Variants in SRRT observed in about 807,000 individuals in gnomAD.
SRRT encodes the protein serrate, RNA effector molecule.
Under a neutral mutation model 103.2 loss-of-function variants are expected in SRRT, and 32 were observed. The observed-to-expected ratio is 0.31, with a 90% CI of 0.23 to 0.42. The LOEUF (loss-of-function observed/expected upper bound fraction) is 0.42. Ranked by LOEUF, SRRT falls within the 10% of genes least tolerant of loss-of-function variation. SRRT has a pLI of 1.00. For missense variants in SRRT, 986 were observed against 1,207.5 expected (o/e 0.82, Z 2.72); for synonymous variants, 525 against 449.0 (o/e 1.17, Z -2.14).
Position 100,884,729 on chromosome 7 carries a change from T to C in SRRT, c.943-11T>C, listed in dbSNP as rs762193000. On this transcript the variant is annotated splice_polypyrimidine_tract_variant and intron_variant, in intron 7 of 19. Coordinates refer to ENST00000611405, the MANE Select transcript of SRRT (RefSeq NM_015908.6). Reference sequence around the variant, plus strand: ...AGGTTTGACATCCCCAGTGGTTGTCTCTTACCATAGGCTGAGAATGACAGT... The same window carrying C: ...AGGTTTGACATCCCCAGTGGTTGTCCCTTACCATAGGCTGAGAATGACAGT... The C allele has an allele frequency of 6.2e-7, 1 of 1,613,406 alleles. No homozygotes were observed. Among genetic ancestry groups the C allele is most frequent in the East Asian group, 2.2e-5 (1 of 44,854 alleles).
chr7:100,875,395 G>GGC (rs1815570810), intron 1 of SRRT, 67 bp downstream of exon 1: 7 of 1,372,876 alleles, frequency 5.1e-6, no homozygotes, highest in Non-Finnish European at 6.6e-6. Flanking sequence ...CACGGGGGCG[G>GGC]GCGCGGAGAA....
Position 100,882,506 on chromosome 7 carries a change from G to C in SRRT, c.587+265G>C. 2.6e-6 allele frequency: 1 copy of C among 382,296 alleles called. No homozygotes were observed. 23.7% of individuals were successfully genotyped at this position (382,296 alleles called of 1,614,324 possible). A position where few individuals can be genotyped will look rare whatever the true frequency, so the allele number is the denominator to read the frequency against. ...AGGCCAGAGCCACTTGGCCCCTTGG[G>C]GCAGCAGACAGACTGCTTCCCACTT... On this transcript the variant is annotated intron_variant, in intron 5 of 19. Transcript: ENST00000611405. The surrounding 1 kb of genome is among the most constrained non-coding windows in gnomAD (Gnocchi z 4.2).
rs770656665 is a variant in SRRT, at chr7:100,886,839, C to T, written c.1692C>T (p.Tyr564=). 3.1e-6 allele frequency: 5 copies of T among 1,614,076 alleles called. No homozygotes were observed. The highest frequency in any genetic ancestry group is 2.2e-5 in the South Asian group (2 of 91,090). The change falls in exon 14 of 20, where the codon TAC becomes TAT. Residue 564 remains tyrosine, a synonymous_variant. Coordinates refer to ENST00000611405, the MANE Select transcript of SRRT (RefSeq NM_015908.6). ...QNPILKNITD[Y]LIEEVSAEEE... ...CGATCTTGAAGAATATCACCGACTA[C>T]CTGATCGAGGAAGTAAGCGCCGAGG...
At chr7:100,878,398 G>T (rs183401514) in intron 2 of SRRT, among the ~76,000 whole-genome samples, 536 of 152,284 alleles carry the variant, frequency 3.5e-3, no homozygotes, top group Non-Finnish European at 4.4e-3. Context: ...TTCTTGGTGA[G>T]ATAGGCAGTG....
At chr7:100,884,576 G>A (rs1372822698) in intron 7 of SRRT, 24 bp downstream of exon 7, 1 of 1,465,550 alleles carries the variant, frequency 6.8e-7, no homozygotes, top group East Asian at 3.0e-5. Context: ...GTCTCCTAGT[G>A]TTGTCCCTGG....
At chr7:100,884,599 G>A (rs1584749984) in intron 7 of SRRT, 47 bp downstream of exon 7, 1 of 1,261,372 alleles carries the variant, frequency 7.9e-7, no homozygotes, top group Non-Finnish European at 1.1e-6. Flanking sequence ...GCCTGGGGGA[G>A]GGGGGCGGGT....
At chr7:100,879,820 A>AG (rs1816110776) in intron 2 of SRRT, among the ~76,000 whole-genome samples, 1 of 151,764 alleles carries the variant, frequency 6.6e-6, no homozygotes, top group Non-Finnish European at 1.5e-5. Flanking sequence ...CAAAAAAAAA[A>AG]AAAAAAGAAG....
chr7:100,877,905 A>G (rs145950219), intron 2 of SRRT, among the ~76,000 whole-genome samples: 1 of 152,338 alleles, frequency 6.6e-6, no homozygotes, highest in East Asian at 1.9e-4. Context: ...ACAAACAGTG[A>G]TTGTTCATAC....
Position 100,884,943 on chromosome 7 carries a change from G to C in SRRT, c.1062G>C (p.Arg354=), listed in dbSNP as rs1396319117. The C allele has an allele frequency of 6.2e-7, 1 of 1,614,026 alleles. No individual in the cohort carries two copies. Among genetic ancestry groups the C allele is most frequent in the Non-Finnish European group, 8.5e-7 (1 of 1,180,028 alleles). ...CACAGAGTAGCAAGAAGCGGAACCGGAAGCACAGTGGTGACGACAGCTTTG... is the reference window on the plus strand; with the variant it reads ...CACAGAGTAGCAAGAAGCGGAACCGCAAGCACAGTGGTGACGACAGCTTTG... ...EAKKSSKKRN[R]KHSGDDSFDE... is the part of the protein sequence containing the mutation. The change falls in exon 9 of 20, where the codon CGG becomes CGC. Residue 354 remains arginine (R), a synonymous_variant. Transcript: ENST00000611405.
Position 100,887,273 on chromosome 7 carries a change from C to T in SRRT, c.1976-47C>T, listed in dbSNP as rs752575269. 4 of 1,610,190 alleles carry T rather than the reference C, an allele frequency of 2.5e-6. No individual in the cohort carries two copies. The highest frequency in any genetic ancestry group is 3.4e-6 in the Non-Finnish European group (4 of 1,177,166). On this transcript the variant is annotated intron_variant, in intron 15 of 19. Coordinates refer to ENST00000611405, the MANE Select transcript of SRRT (RefSeq NM_015908.6). This position sits in a 1 kb window ranked among gnomAD's most constrained non-coding sequence, Gnocchi z 4.1. ...CTCCAGCCCCTTGCCACCATCCTTC[C>T]TTCTGGCTCCCTTGCCAACCTTCCT...
At position 100,888,312 on chromosome 7, in the gene SRRT, G is replaced by T. The variant is rs148451475; in HGVS notation, c.2484G>T (p.Pro828=). 5 of 1,614,084 alleles carry T rather than the reference G, an allele frequency of 3.1e-6. No individual in the cohort carries two copies. The highest frequency in any genetic ancestry group is 1.1e-5 in the South Asian group (1 of 91,082). ...PTGGPPYPHA[P]YGAGRGNYDA... The stretch of plus-strand genomic sequence containing the variant: ...GAGGCCCTCCATACCCCCATGCCCC[G>T]TATGGTGCTGGTCGAGGGAACTATG... Residue 828 remains proline (P), a synonymous_variant, in exon 19 of 20, where the codon CCG becomes CCT. Transcript: ENST00000611405.
rs1256736658 is a variant in SRRT at position 100,885,711 on chromosome 7, G to A, written c.1328G>A (p.Arg443Lys). Residue 443 changes from arginine to lysine, a missense_variant, in exon 11 of 20, where the codon AGG becomes AAG. Arg to Lys is a conservative substitution (Grantham distance 26). Coordinates refer to ENST00000611405, the MANE Select transcript of SRRT (RefSeq NM_015908.6). The surrounding 1 kb of genome is among the most constrained non-coding windows in gnomAD (Gnocchi z 4.8). ...TTCTGCTTCTTGCAGCTTTGTAAAA[G>A]GTACCCAGGCTTTATGCGGGTGGCG... Reference protein sequence around the residue: ...SRAEIISLCKRYPGFMRVALS... With the variant: ...SRAEIISLCKKYPGFMRVALS... The A allele has an allele frequency of 6.2e-7, 1 of 1,612,228 alleles. No individual in the cohort carries two copies.
Position 100,885,625 on chromosome 7 carries a change from G to C in SRRT, c.1318-76G>C, listed in dbSNP as rs925261188. The C allele has an allele frequency of 6.8e-7, 1 of 1,464,948 alleles. No individual in the cohort carries two copies. The highest frequency in any genetic ancestry group is 1.4e-5 in the African/African-American group (1 of 71,374). 90.7% of individuals were successfully genotyped at this position (1,464,948 alleles called of 1,614,324 possible). On this transcript the variant is annotated intron_variant, in intron 10 of 19. Transcript: ENST00000611405. This position sits in a 1 kb window ranked among gnomAD's most constrained non-coding sequence, Gnocchi z 4.8. ...TAAGGCAGTTAGTCCCTAGGGTTCT[G>C]AGGGCAGTGGGGGATTGGAGGAAGA...
Position 100,884,456 on chromosome 7 carries a change from G to A in SRRT, c.846G>A (p.Glu282=), listed in dbSNP as rs776506765. 9 of 1,613,960 alleles carry A rather than the reference G, an allele frequency of 5.6e-6. No individual in the cohort carries two copies. Among genetic ancestry groups the A allele is most frequent in the South Asian group, 1.1e-5 (1 of 91,082 alleles). Residue 282 remains glutamate, a synonymous_variant, in exon 7 of 20, where the codon GAG becomes GAA. Coordinates refer to ENST00000611405, the MANE Select transcript of SRRT (RefSeq NM_015908.6). ...EEEEQAGKPG[E]PSKKEEGRAG... is the part of the protein sequence containing the mutation. ...AGGAGCAGGCAGGAAAGCCTGGGGA[G>A]CCCAGCAAGAAAGAAGAAGGACGGG...
In SRRT at chr7:100,887,083, C is replaced by T; in HGVS notation, c.1858C>T (p.His620Tyr). 1 of 1,614,244 alleles carries T rather than the reference C, an allele frequency of 6.2e-7. No homozygotes were observed. ...GCTCCTCCTTTACCTGCGCATCGTG[C>T]ATTCCTTGGATTATTACAACACCTG... is the stretch of plus-strand genomic sequence containing the variant. Reference protein sequence around the residue: ...DKLLLYLRIVHSLDYYNTCEY... With the variant: ...DKLLLYLRIVYSLDYYNTCEY... Residue 620 changes from histidine to tyrosine, a missense_variant, in exon 15 of 20, where the codon CAT (histidine) becomes TAT (tyrosine). By Grantham distance (83) the His-to-Tyr change is moderately conservative. This residue lies in a region of SRRT where 349 missense variants were observed against 446.9 expected (regional missense o/e 0.78). Transcript: ENST00000611405. The surrounding 1 kb of genome is among the most constrained non-coding windows in gnomAD (Gnocchi z 4.1).
Position 100,881,652 on chromosome 7 carries a change from C to T in SRRT, c.252-7C>T, listed in dbSNP as rs779605826. On this transcript the variant is annotated splice_polypyrimidine_tract_variant and splice_region_variant and intron_variant, in intron 3 of 19. Transcript: ENST00000611405. The stretch of plus-strand genomic sequence containing the variant: ...CTCTGCTTTACTTTTGTGTCCCCCA[C>T]CTTCAGGGATGAGCACAGCTCTGAC... 6 of 1,614,008 alleles carry T rather than the reference C, an allele frequency of 3.7e-6. No individual in the cohort carries two copies. Among genetic ancestry groups the T allele is most frequent in the African/African-American group, 1.3e-5 (1 of 75,058 alleles).
chr7:100,887,338 CTT>C lies in SRRT; in HGVS notation c.1997_1998del (p.Phe666Ter). On this transcript the variant is annotated frameshift_variant, in exon 16 of 20. Transcript: ENST00000611405. LOFTEE classifies it high-confidence loss of function. The surrounding 1 kb of genome is among the most constrained non-coding windows in gnomAD (Gnocchi z 4.1). ...ACCACAGTGCTGGAGTGGCAGAAGA[CTT>C]TTGAGGAGAAGCTCACGCCGTTGCT... 1.9e-6 allele frequency: 3 copies of C among 1,614,066 alleles called. No homozygotes were observed. The highest frequency in any genetic ancestry group is 2.5e-6 in the Non-Finnish European group (3 of 1,179,984).
chr7:100,884,478 C>T lies in SRRT; in HGVS notation c.868C>T (p.Arg290Trp), dbSNP rs766105030. ...PGEPSKKEEG[R>W]AGAGLGDGER... Reference sequence around the variant, plus strand: ...GGAGCCCAGCAAGAAAGAAGAAGGACGGGCTGGAGCAGGCCTAGGGGACGG... The same window carrying T: ...GGAGCCCAGCAAGAAAGAAGAAGGATGGGCTGGAGCAGGCCTAGGGGACGG... Residue 290 changes from arginine (R) to tryptophan (W), a missense_variant, in exon 7 of 20, where the codon CGG (arginine) becomes TGG (tryptophan). Physicochemically the swap from Arg to Trp is moderately radical, Grantham distance 101. Coordinates refer to ENST00000611405, the MANE Select transcript of SRRT (RefSeq NM_015908.6). 6.5e-5 allele frequency: 105 copies of T among 1,613,498 alleles called. No individual in the cohort carries two copies. Among genetic ancestry groups the T allele is most frequent in the South Asian group, 2.5e-4 (23 of 91,072 alleles).
Position 100,888,611 on chromosome 7 carries a change from C to CT in SRRT, c.*63dup, listed in dbSNP as rs1790425700. On this transcript the variant is annotated 3_prime_UTR_variant, in exon 20 of 20. Coordinates refer to ENST00000611405, the MANE Select transcript of SRRT (RefSeq NM_015908.6). The stretch of plus-strand genomic sequence containing the variant: ...TTGTACTACCTTGTCCTATGAAGCT[C>CT]TGAGAATTTTTTGTACGATCAGCCT... 1.2e-6 allele frequency: 2 copies of CT among 1,606,500 alleles called. No homozygotes were observed. The highest frequency in any genetic ancestry group is 1.7e-6 in the Non-Finnish European group (2 of 1,173,218).
Sources: gnomAD v4.1 joint callset for allele counts (sites outside exome capture counted in the v4.1 genomes callset) on GRCh38, gnomAD v4.1.1 for gene constraint, gnomAD v4.1.1 regional missense constraint, Gnocchi (gnomAD v3.1) non-coding constraint, MANE v1.5 for transcripts, NCBI Gene and HGNC (gene_info 2026-07-23, HGNC 2026-07-21) for gene names.